TSPAN15: variants seen among roughly 807,000 people sequenced by gnomAD.
The protein encoded by TSPAN15 is tetraspanin-15.
TSPAN15 carries 20 observed loss-of-function variants against 34.5 expected under a neutral mutation model. That is an observed-to-expected ratio of 0.58 (90% CI 0.41 to 0.84). The LOEUF (loss-of-function observed/expected upper bound fraction) is 0.84, where lower values mean the gene tolerates loss of function less well. Ranked by LOEUF, TSPAN15 falls within the 40% of genes least tolerant of loss-of-function variation. TSPAN15 has a pLI of 0.00. For missense variants in TSPAN15, 313 were observed against 386.1 expected, an observed-to-expected ratio of 0.81 and a Z score of 1.59; for synonymous variants, 155 against 153.9, an observed-to-expected ratio of 1.01 and a Z score of -0.05.
At chr10:69,498,809 C>T (rs1030873365) in intron 5 of TSPAN15, among the ~76,000 whole-genome samples, 1 of 152,194 alleles carries the variant, frequency 6.6e-6, no homozygotes, top group Non-Finnish European at 1.5e-5. Flanking sequence ...GAAGTGCAGG[C>T]AGCTGTTGCC....
chr10:69,455,665 C>CTGAG (rs1841090583), intron 1 of TSPAN15, among the ~76,000 whole-genome samples: 1 of 130,420 alleles, frequency 7.7e-6, no homozygotes, highest in Admixed American at 8.6e-5. Flanking sequence ...CTTTCTTTCA[C>CTGAG]TGAGAACAGT....
chr10:69,534,470 A>G, the TSPAN15 span, among the ~76,000 whole-genome samples: 1 of 152,238 alleles, frequency 6.6e-6, no homozygotes, highest in African/African-American at 2.4e-5. Context: ...CACAAGGAGA[A>G]TGAAAGAGCT....
chr10:69,470,698 G>T (rs750719722), intron 1 of TSPAN15, among the ~76,000 whole-genome samples: 11 of 152,122 alleles, frequency 7.2e-5, no homozygotes, highest in Non-Finnish European at 1.5e-4. Flanking sequence ...ACCAGCCTGG[G>T]CAACATAGCA....
chr10:69,530,804 CTCTCTCTCTCTCTCTCTATATATATATA>C, the TSPAN15 span, among the ~76,000 whole-genome samples: 1 of 67,874 alleles, frequency 1.5e-5, no homozygotes, highest in Non-Finnish European at 2.9e-5. Flanking sequence ...CTCTCTCTCT[CTCTCTCTCTCTCTCTCTATATATATATA>C]TATATATATA....
chr10:69,478,812 A>G (rs1841670964), intron 1 of TSPAN15, among the ~76,000 whole-genome samples: 1 of 152,256 alleles, frequency 6.6e-6, no homozygotes, highest in South Asian at 2.1e-4. Flanking sequence ...CACAAGATCT[A>G]GCAGTGAGCC....
downstream of TSPAN15, among the ~76,000 whole-genome samples, chr10:69,508,119 T>G (rs1375051916): frequency 2.0e-5 from 3 of 151,994 alleles, no homozygotes; most frequent in Non-Finnish European, 4.4e-5. Flanking sequence ...AGATTTTTTG[T>G]GAGGCTCTTA....
At chr10:69,526,134 A>T in the TSPAN15 span, among the ~76,000 whole-genome samples, 1 of 147,498 alleles carries the variant, frequency 6.8e-6, no homozygotes, top group Admixed American at 7.1e-5. Context: ...AAGAGATATG[A>T]TATAACCACA....
chr10:69,542,781 T>C, the TSPAN15 span, among the ~76,000 whole-genome samples: 1 of 152,224 alleles, frequency 6.6e-6, no homozygotes, highest in Admixed American at 6.5e-5. Flanking sequence ...ACTGGGTCCC[T>C]CCTATGTCAT....
the TSPAN15 span, among the ~76,000 whole-genome samples, chr10:69,517,439 G>C: frequency 6.6e-6 from 1 of 152,216 alleles, no homozygotes. Flanking sequence ...GGCCTTAGCT[G>C]CCCTCCTGAG....
the TSPAN15 span, among the ~76,000 whole-genome samples, chr10:69,517,769 G>A: frequency 6.6e-6 from 1 of 152,194 alleles, no homozygotes; most frequent in Non-Finnish European, 1.5e-5. Context: ...GCTCTGTGAG[G>A]AGGGCTCTGC....
intron 1 of TSPAN15, among the ~76,000 whole-genome samples, chr10:69,481,726 T>C (rs1841738940): frequency 6.6e-6 from 1 of 152,212 alleles, no homozygotes; most frequent in African/African-American, 2.4e-5. Context: ...GTATCATCCC[T>C]TCCTTTCCTT....
Position 69,504,434 on chromosome 10 carries a change from T to C in TSPAN15, c.571-4T>C, listed in dbSNP as rs1418445141. The C allele has an allele frequency of 6.2e-7, 1 of 1,613,574 alleles. No homozygotes were observed. The highest frequency in any genetic ancestry group is 1.7e-5 in the Admixed American group (1 of 60,024). ...ATATTAGCTATTATACATTTCCATT[T>C]CAGACAGAAGTTGTCAACACCATGT... On this transcript the variant is annotated splice_polypyrimidine_tract_variant and splice_region_variant and intron_variant, in intron 5 of 7. Coordinates refer to ENST00000373290, the MANE Select transcript of TSPAN15 (RefSeq NM_012339.5).
chr10:69,539,961 C>CTT, the TSPAN15 span, among the ~76,000 whole-genome samples: 50 of 146,824 alleles, frequency 3.4e-4, no homozygotes, highest in South Asian at 1.7e-3. Flanking sequence ...AAAATGTAGT[C>CTT]TTTTTTTTTT....
intron 4 of TSPAN15, among the ~76,000 whole-genome samples, chr10:69,497,764 G>A (rs543462388): frequency 1.3e-5 from 2 of 152,310 alleles, no homozygotes; most frequent in South Asian, 4.1e-4. Context: ...GAGGCAGGGA[G>A]GGGCTCGGCT....
In TSPAN15 at chr10:69,491,252, C is replaced by T. The variant is rs375489512; in HGVS notation, c.358-4342C>T. Among the ~76,000 whole-genome samples the T allele has an allele frequency of 1.9e-4, 29 of 152,230 alleles. No individual in the cohort carries two copies. In the East Asian group the frequency reaches 4.1e-3, roughly 21 times the overall value. On this transcript the variant is annotated intron_variant, in intron 3 of 7. Coordinates refer to ENST00000373290, the MANE Select transcript of TSPAN15 (RefSeq NM_012339.5). ...TGGGACTGGAGCAGAGGCTAGGGTC[C>T]GGGGGCAATGAGGGTAAGTCCCCGT...
chr10:69,489,350 CAT>C lies in TSPAN15; in HGVS notation c.357+4136_357+4137del, dbSNP rs543143700. On this transcript the variant is annotated intron_variant, in intron 3 of 7. Transcript: ENST00000373290. ...ACTGATTTCATATTGTTCAAACACA[CAT>C]GTTTTAAAATCAACTTGTACAGTTA... Among the ~76,000 whole-genome samples the C allele has an allele frequency of 4.1e-4, 62 of 152,292 alleles. No individual in the cohort carries two copies. In the South Asian group the frequency reaches 0.011, roughly 26 times the overall value.
the TSPAN15 span, among the ~76,000 whole-genome samples, chr10:69,540,885 G>A: frequency 6.6e-6 from 1 of 152,192 alleles, no homozygotes; most frequent in Non-Finnish European, 1.5e-5. Flanking sequence ...GCGTTCAGGA[G>A]GAGAGCTGCG....
chr10:69,462,934 C>T (rs1214115449), intron 1 of TSPAN15, among the ~76,000 whole-genome samples: 4 of 151,996 alleles, frequency 2.6e-5, no homozygotes, highest in South Asian at 2.1e-4. Flanking sequence ...CCCATGTGGG[C>T]GAGGAAGGGC....
At position 69,475,966 on chromosome 10, in the gene TSPAN15, A is replaced by G. The variant is rs542357799; in HGVS notation, c.97-7725A>G. 4.6e-5 allele frequency among the ~76,000 whole-genome samples: 7 copies of G among 152,284 alleles called. 1 individual carries two copies. The highest frequency in any genetic ancestry group is 4.6e-4 in the Admixed American group (7 of 15,292). Reference sequence around the variant, plus strand: ...ACATTAATAAAGGGATAATTTACAAATAATAAATATTTATTTATTATTTCT... The same window carrying G: ...ACATTAATAAAGGGATAATTTACAAGTAATAAATATTTATTTATTATTTCT... On this transcript the variant is annotated intron_variant, in intron 1 of 7. Transcript: ENST00000373290.
Sources: allele counts gnomAD v4.1 joint callset (sites outside exome capture counted in the v4.1 genomes callset), GRCh38; gene constraint gnomAD v4.1.1; transcripts MANE v1.5; gene names NCBI Gene and HGNC (gene_info 2026-07-23, HGNC 2026-07-21).